ACOXL: variants seen among roughly 807,000 people sequenced by gnomAD.
ACOXL encodes acyl-coenzyme A oxidase-like protein.
Under a neutral mutation model 71.9 loss-of-function variants are expected in ACOXL, and 70 were observed. The ratio of observed to expected loss-of-function variants is 0.97; its 90% CI spans 0.80 to 1.19. The LOEUF (loss-of-function observed/expected upper bound fraction) is 1.19, where lower values mean the gene tolerates loss of function less well. ACOXL is among the 50% of genes most tolerant of loss of function. The pLI, the probability that ACOXL is intolerant of heterozygous loss-of-function variation, is 0.00. For synonymous variants in ACOXL, 253 were observed against 281.6 expected (o/e 0.90, Z 1.02); for missense variants, 703 against 736.3 (o/e 0.95, Z 0.52).
chr2:111,117,944 C>A lies in ACOXL; in HGVS notation c.*128C>A. 8.6e-7 allele frequency: 1 copy of A among 1,167,596 alleles called. No individual in the cohort carries two copies. The highest frequency in any genetic ancestry group is 1.2e-6 in the Non-Finnish European group (1 of 852,138). The allele number at this position is 1,167,596 out of a possible 1,614,324, so 72.3% of individuals were successfully genotyped here. Reference sequence around the variant, plus strand: ...CCGCCACTCTCGGGGATTTTGGTGGCAAAGCGGAGGTCCCGCCGAGGCTGG... The same window carrying A: ...CCGCCACTCTCGGGGATTTTGGTGGAAAAGCGGAGGTCCCGCCGAGGCTGG... On this transcript the variant is annotated 3_prime_UTR_variant, in exon 18 of 18. Transcript: ENST00000439055.
intron 10 of ACOXL, among the ~76,000 whole-genome samples, chr2:110,859,411 G>A (rs1011653132): frequency 6.6e-6 from 1 of 152,216 alleles, no homozygotes; most frequent in African/African-American, 2.4e-5. Context: ...CAGCTGGGTT[G>A]CTGGAGGATA....
At chr2:110,733,470 T>G (rs916154191) in intron 1 of ACOXL, among the ~76,000 whole-genome samples, 11 of 152,238 alleles carry the variant, frequency 7.2e-5, no homozygotes, top group South Asian at 2.1e-4. Context: ...TCCTGTGGGC[T>G]CTCTTTCTCA....
At chr2:110,978,097 C>T (rs760097576) in intron 12 of ACOXL, among the ~76,000 whole-genome samples, 1 of 152,114 alleles carries the variant, frequency 6.6e-6, no homozygotes, top group Non-Finnish European at 1.5e-5. Flanking sequence ...TATCTTAGTC[C>T]ATGTCTTCTT....
At chr2:110,756,132 CT>C (rs897937353) in intron 1 of ACOXL, among the ~76,000 whole-genome samples, 2 of 148,632 alleles carry the variant, frequency 1.3e-5, no homozygotes, top group African/African-American at 2.5e-5. Context: ...CTTAAGGCCT[CT>C]TTTTTTTTTC....
chr2:110,766,684 G>C (rs887020078), intron 1 of ACOXL, among the ~76,000 whole-genome samples: 26 of 152,322 alleles, frequency 1.7e-4, no homozygotes, highest in African/African-American at 5.1e-4. Flanking sequence ...TAGGGGTGAA[G>C]TCTCAGCTTC....
intron 14 of ACOXL, among the ~76,000 whole-genome samples, chr2:111,010,002 C>T (rs979404596): frequency 3.9e-5 from 6 of 152,078 alleles, no homozygotes; most frequent in African/African-American, 1.4e-4. Flanking sequence ...GACTCAATAC[C>T]CTTTAGAGGA....
intron 10 of ACOXL, among the ~76,000 whole-genome samples, chr2:110,846,641 G>GCACACACACA (rs61028803): frequency 0.013 from 1,762 of 137,996 alleles, 33 homozygotes; most frequent in African/African-American, 0.037. Context: ...ATGCATACAC[G>GCACACACACA]CACACACACA....
rs2070491954 is a variant in ACOXL at position 111,118,380 on chromosome 2, G to A, written c.*564G>A. On this transcript the variant is annotated 3_prime_UTR_variant, in exon 18 of 18. Transcript: ENST00000439055. Reference sequence around the variant, plus strand: ...CACGGACTGGGAGAAGGAAGTGGGAGCCTAGAGTTTTGCTCTCGGCAAAAC... The same window carrying A: ...CACGGACTGGGAGAAGGAAGTGGGAACCTAGAGTTTTGCTCTCGGCAAAAC... Among the ~76,000 whole-genome samples, 1 of 152,212 alleles carries A rather than the reference G, an allele frequency of 6.6e-6. No homozygotes were observed. Among genetic ancestry groups the A allele is most frequent in the Non-Finnish European group, 1.5e-5 (1 of 68,038 alleles).
intron 15 of ACOXL, among the ~76,000 whole-genome samples, chr2:111,037,908 C>T (rs1177979540): frequency 1.3e-5 from 2 of 152,174 alleles, no homozygotes; most frequent in Non-Finnish European, 2.9e-5. Flanking sequence ...TTTCTTTGTG[C>T]ATTTATTTAT....
chr2:111,096,818 A>G (rs1250991995), intron 17 of ACOXL, among the ~76,000 whole-genome samples: 2 of 152,192 alleles, frequency 1.3e-5, no homozygotes, highest in African/African-American at 2.4e-5. Context: ...AAACACTCTC[A>G]GTTTGACACC....
intron 8 of ACOXL, among the ~76,000 whole-genome samples, chr2:110,802,023 G>A (rs1303248134): frequency 2.6e-5 from 4 of 152,088 alleles, no homozygotes; most frequent in African/African-American, 7.2e-5. Context: ...TTTACTAAGC[G>A]AGATCCACTT....
intron 10 of ACOXL, among the ~76,000 whole-genome samples, chr2:110,879,589 T>A (rs555059704): frequency 2.0e-5 from 3 of 152,030 alleles, no homozygotes; most frequent in Admixed American, 2.0e-4. Context: ...GATTAACATG[T>A]ATTTAATCTA....
intron 10 of ACOXL, among the ~76,000 whole-genome samples, chr2:110,867,681 G>T (rs1044618095): frequency 6.6e-6 from 1 of 152,160 alleles, no homozygotes; most frequent in African/African-American, 2.4e-5. Flanking sequence ...TGTCAAAGGA[G>T]TCTTTGCGTT....
chr2:111,027,319 A>G (rs534825778), intron 14 of ACOXL, among the ~76,000 whole-genome samples: 1 of 142,768 alleles, frequency 7.0e-6, no homozygotes, highest in African/African-American at 2.6e-5. Context: ...TTTAAAGAAA[A>G]TTATTCTTTT....
intron 17 of ACOXL, among the ~76,000 whole-genome samples, chr2:111,105,369 C>A (rs1343491623): frequency 6.6e-6 from 1 of 151,988 alleles, no homozygotes; most frequent in Non-Finnish European, 1.5e-5. Flanking sequence ...TACAACAAAT[C>A]TTTCTGGGAT....
intron 12 of ACOXL, among the ~76,000 whole-genome samples, chr2:110,951,190 G>C (rs1267893891): frequency 1.3e-5 from 2 of 152,138 alleles, no homozygotes; most frequent in Non-Finnish European, 2.9e-5. Flanking sequence ...CCAAAAAATA[G>C]CAGCTGAGTA....
chr2:110,787,060 G>A lies in ACOXL; in HGVS notation c.159+2245G>A, dbSNP rs2105194806. ...TCAAGATAACCTGGGATGTAGGAAG[G>A]GAAAGTAGGTAGGGGTGGCGGGGGG... On this transcript the variant is annotated intron_variant, in intron 3 of 17. Transcript: ENST00000439055. Among the ~76,000 whole-genome samples the A allele has an allele frequency of 1.3e-5, 2 of 152,162 alleles. 1 individual carries two copies. The highest frequency in any genetic ancestry group is 6.8e-3 in the Middle Eastern group (2 of 294).
At chr2:110,974,529 G>A (rs1199405486) in intron 12 of ACOXL, among the ~76,000 whole-genome samples, 1 of 152,172 alleles carries the variant, frequency 6.6e-6, no homozygotes, top group Non-Finnish European at 1.5e-5. Flanking sequence ...TGCTTCATTA[G>A]AGATACACTA....
At chr2:111,072,170 A>G (rs556529094) in intron 16 of ACOXL, among the ~76,000 whole-genome samples, 18 of 152,356 alleles carry the variant, frequency 1.2e-4, no homozygotes, top group South Asian at 4.1e-4. Context: ...CACACGAAAT[A>G]TATGTATATG....
Sources: allele counts gnomAD v4.1 joint callset (sites outside exome capture counted in the v4.1 genomes callset), GRCh38; gene constraint gnomAD v4.1.1; transcripts MANE v1.5; gene names NCBI Gene and HGNC (gene_info 2026-07-23, HGNC 2026-07-21).